The following F9 variants were observed in gnomAD, a reference collection of about 807,000 sequenced individuals.
F9 encodes Christmas factor.
F9 carries 2 observed loss-of-function variants against 34.1 expected under a neutral mutation model. That is an observed-to-expected ratio of 0.06 (90% CI 0.02 to 0.18). F9 has a LOEUF of 0.18. Among genes scored for constraint, F9 ranks in the 10% least tolerant of loss-of-function variants. The probability of loss-of-function intolerance (pLI) is 1.00; values close to 1 mark genes in which losing one functional copy is unlikely to be tolerated. For missense variants in F9, 216 were observed against 345.1 expected (o/e 0.63, Z 2.96); for synonymous variants, 137 against 118.8 (o/e 1.15, Z -1.00).
chrX:139,532,483 T>A (rs1189219817), intron 1 of F9, among the ~76,000 whole-genome samples: 1 of 111,850 alleles, frequency 8.9e-6, no homozygotes, highest in Non-Finnish European at 1.9e-5. Flanking sequence ...AAAGATGTCC[T>A]TCATTCAGAC....
At position 139,562,151 on chromosome X, in the gene F9, T is replaced by A. The variant is rs780827158; in HGVS notation, c.*80T>A. On this transcript the variant is annotated 3_prime_UTR_variant, in exon 8 of 8. Coordinates refer to ENST00000218099, the MANE Select transcript of F9 (RefSeq NM_000133.4). ...TCACTAACTAATCACTTTCCCATCT[T>A]TTGTTAGATTTGAATATATACATTC... 3 of 857,756 alleles carry A rather than the reference T, an allele frequency of 3.5e-6. No individual in the cohort carries two copies. In the Admixed American group the frequency reaches 7.2e-5, roughly 21 times the overall value. The allele number at this position is 857,756 out of a possible 1,213,427, so 70.7% of individuals were successfully genotyped here.
chrX:139,558,010 C>T (rs1287964185), intron 6 of F9, among the ~76,000 whole-genome samples: 1 of 112,601 alleles, frequency 8.9e-6, no homozygotes, highest in Non-Finnish European at 1.9e-5. Context: ...TCCCTCCAAA[C>T]ACCTGCCCAA....
At chrX:139,548,259 A>T in intron 4 of F9, 104 bp from the exon 5 acceptor site, 12 of 885,354 alleles carry the variant, frequency 1.4e-5, no homozygotes, top group African/African-American at 2.0e-5. Flanking sequence ...GGCAACATGA[A>T]TGCCCCCAAT....
At position 139,541,095 on chromosome X, in the gene F9, C is replaced by T. The variant is rs1484242735; in HGVS notation, c.297C>T (p.Ser99=). The change falls in exon 4 of 8, where the codon TCC becomes TCT. Residue 99 remains serine, a synonymous_variant. Coordinates refer to ENST00000218099, the MANE Select transcript of F9 (RefSeq NM_000133.4). ...TCAAAGATGGAGATCAGTGTGAGTC[C>T]AATCCATGTTTAAATGGCGGCAGTT... The part of the protein sequence containing the change: ...KQYVDGDQCE[S]NPCLNGGSCK... 2 of 1,194,322 alleles carry T rather than the reference C, an allele frequency of 1.7e-6. No individual in the cohort carries two copies. The highest frequency in any genetic ancestry group is 3.0e-5 in the East Asian group (1 of 33,038).
At chrX:139,561,480 G>C in intron 7 of F9, 44 bp from the exon 8 acceptor site, 1 of 1,127,999 alleles carries the variant, frequency 8.9e-7, no homozygotes, top group Non-Finnish European at 1.2e-6. Flanking sequence ...ATCTGTGTAT[G>C]TGAAATACTG....
At chrX:139,541,838 T>C (rs977358908) in intron 4 of F9, among the ~76,000 whole-genome samples, 1 of 112,179 alleles carries the variant, frequency 8.9e-6, no homozygotes, top group African/African-American at 3.2e-5. Flanking sequence ...TGTGTACCTT[T>C]TCTTCTCAAA....
At chrX:139,538,854 C>T (rs917513756) in intron 3 of F9, among the ~76,000 whole-genome samples, 1 of 110,990 alleles carries the variant, frequency 9.0e-6, no homozygotes, top group Non-Finnish European at 1.9e-5. Context: ...TGGGCCCTTG[C>T]CTTTTGGGTC....
chrX:139,553,776 G>A lies in F9; in HGVS notation c.723+2512G>A, dbSNP rs373063763. Among the ~76,000 whole-genome samples the A allele has an allele frequency of 1.6e-3, 136 of 86,420 alleles. 1 individual carries two copies. In the East Asian group the frequency reaches 0.038, roughly 24 times the overall value. The allele number at this position is 86,420 out of a possible 115,157, so 75.0% of individuals were successfully genotyped here. A position where few individuals can be genotyped will look rare whatever the true frequency, so the allele number is the denominator to read the frequency against. On this transcript the variant is annotated intron_variant, in intron 6 of 7. Coordinates refer to ENST00000218099, the MANE Select transcript of F9 (RefSeq NM_000133.4). ...GGCAGTGAGCCGAGATCCCGCCACT[G>A]CACTCCAGCCTGGGCGACAGAGCGA... is the stretch of plus-strand genomic sequence containing the variant.
At chrX:139,540,728 G>A (rs1297407134) in intron 3 of F9, among the ~76,000 whole-genome samples, 1 of 111,780 alleles carries the variant, frequency 8.9e-6, no homozygotes, top group Admixed American at 9.5e-5. Context: ...AATTAACTCT[G>A]CCATCATTCT....
intron 6 of F9, among the ~76,000 whole-genome samples, chrX:139,559,285 T>G (rs1169301878): frequency 8.9e-6 from 1 of 112,661 alleles, no homozygotes; most frequent in Non-Finnish European, 1.9e-5. Context: ...CCGGGTGCAG[T>G]GGCTCACGCC....
chrX:139,537,297 A>G (rs1027160404), intron 2 of F9, 65 bp from the exon 3 acceptor site: 35 of 1,112,330 alleles, frequency 3.1e-5, no homozygotes, highest in Non-Finnish European at 4.3e-5. Context: ...GTTATAAAAG[A>G]TAGGAAATCA....
At chrX:139,546,267 A>G (rs1361733626) in intron 4 of F9, among the ~76,000 whole-genome samples, 2 of 112,013 alleles carry the variant, frequency 1.8e-5, no homozygotes, top group Non-Finnish European at 3.8e-5. Flanking sequence ...CTTCTTTTCT[A>G]TGGCTGCATA....
In F9 at chrX:139,560,816, C is replaced by T. The variant is rs1392784441; in HGVS notation, c.799C>T (p.His267Tyr). 1 of 1,209,061 alleles carries T rather than the reference C, an allele frequency of 8.3e-7. No homozygotes were observed. The highest frequency in any genetic ancestry group is 1.1e-6 in the Non-Finnish European group (1 of 893,177). The change falls in exon 7 of 8, where the codon CAC becomes TAC. Residue 267 changes from histidine to tyrosine, a missense_variant. Transcript: ENST00000218099. The stretch of plus-strand genomic sequence containing the variant: ...TGAAAAATGGATTGTAACTGCTGCC[C>T]ACTGTGTTGAAACTGGTGTTAAAAT... The part of the protein sequence containing the change: ...VNEKWIVTAA[H>Y]CVETGVKITV...
rs186499161 is a variant in F9 at position 139,533,966 on chromosome X, C to T, written c.89-3044C>T. Reference sequence around the variant, plus strand: ...ATGGATAACAGGAGTTAGAGCAAAGCGGGGAACCAGAATAGAGTGATTATT... The same window carrying T: ...ATGGATAACAGGAGTTAGAGCAAAGTGGGGAACCAGAATAGAGTGATTATT... On this transcript the variant is annotated intron_variant, in intron 1 of 7. Coordinates refer to ENST00000218099, the MANE Select transcript of F9 (RefSeq NM_000133.4). Among the ~76,000 whole-genome samples the T allele has an allele frequency of 2.7e-5, 3 of 111,663 alleles. No homozygotes were observed. In the East Asian group the frequency reaches 8.5e-4, roughly 32 times the overall value.
At position 139,560,727 on chromosome X, in the gene F9, T is replaced by C. The variant is rs1193275783; in HGVS notation, c.724-14T>C. 1 of 1,123,336 alleles carries C rather than the reference T, an allele frequency of 8.9e-7. No individual in the cohort carries two copies. Among genetic ancestry groups the C allele is most frequent in the Admixed American group, 2.2e-5 (1 of 45,955 alleles). The allele number at this position is 1,123,336 out of a possible 1,213,427, so 92.6% of individuals were successfully genotyped here. A position where few individuals can be genotyped will look rare whatever the true frequency, so the allele number is the denominator to read the frequency against. ...ATGTATTATGCAGTAAGAGTCTTAA[T>C]TTTGTTTTCACAGGTTGTTTTGAAT... On this transcript the variant is annotated splice_polypyrimidine_tract_variant and intron_variant, in intron 6 of 7. Transcript: ENST00000218099.
At chrX:139,559,528 CA>C (rs368983615) in intron 6 of F9, among the ~76,000 whole-genome samples, 1,654 of 96,402 alleles carry the variant, frequency 0.017, 24 homozygotes, top group African/African-American at 0.053. Context: ...AAGACTCCGT[CA>C]AAAAAAAAAA....
chrX:139,559,665 T>A (rs1603267022), intron 6 of F9, among the ~76,000 whole-genome samples: 1 of 111,866 alleles, frequency 8.9e-6, no homozygotes, highest in Non-Finnish European at 1.9e-5. Flanking sequence ...TAAATTAAAT[T>A]CAGGACAAAA....
At chrX:139,546,917 C>T (rs911551693) in intron 4 of F9, among the ~76,000 whole-genome samples, 4 of 111,883 alleles carry the variant, frequency 3.6e-5, no homozygotes, top group Non-Finnish European at 7.5e-5. Flanking sequence ...AAGTGCCCAG[C>T]AGGCTTTTTT....
intron 6 of F9, among the ~76,000 whole-genome samples, chrX:139,557,898 G>C (rs1928005633): frequency 8.9e-6 from 1 of 112,284 alleles, no homozygotes; most frequent in Non-Finnish European, 1.9e-5. Context: ...GCTACCTAGG[G>C]ACTTGAATCC....
Sources: gnomAD v4.1 joint callset for allele counts (sites outside exome capture counted in the v4.1 genomes callset) on GRCh38, gnomAD v4.1.1 for gene constraint, MANE v1.5 for transcripts, NCBI Gene and HGNC (gene_info 2026-07-23, HGNC 2026-07-21) for gene names.